TMCC3: variants seen among roughly 807,000 people sequenced by gnomAD.
TMCC3 encodes transmembrane and coiled-coil domain family 3.
A neutral mutation model predicts 40.2 loss-of-function variants in TMCC3; 28 were observed. That is an observed-to-expected ratio of 0.70 (90% CI 0.52 to 0.95). TMCC3 has a LOEUF of 0.95. Among genes scored for constraint, TMCC3 ranks in the 40% least tolerant of loss-of-function variants. The pLI is 0.00. For synonymous variants in TMCC3, 255 were observed against 248.5 expected, an observed-to-expected ratio of 1.03 and a Z score of -0.25; for missense variants, 554 against 615.2, an observed-to-expected ratio of 0.90 and a Z score of 1.05.
At position 94,582,293 on chromosome 12, in the gene TMCC3, C is replaced by G; in HGVS notation, c.324G>C (p.Ala108=). 1 of 1,614,024 alleles carries G rather than the reference C, an allele frequency of 6.2e-7. No homozygotes were observed. The highest frequency in any genetic ancestry group is 8.5e-7 in the Non-Finnish European group (1 of 1,180,028). The change falls in exon 2 of 4, where the codon GCG becomes GCC. Residue 108 remains alanine, a synonymous_variant. Coordinates refer to ENST00000261226, the MANE Select transcript of TMCC3 (RefSeq NM_020698.4). Reference sequence around the variant, plus strand: ...TCTCAAAGACTTGCTTGATACGTCCCGCCTGCTGCTTGTCTGCGTTGTTCA... The same window carrying G: ...TCTCAAAGACTTGCTTGATACGTCCGGCCTGCTGCTTGTCTGCGTTGTTCA... The part of the protein sequence containing the change: ...KLVNNADKQQ[A]GRIKQVFEKK...
At chr12:94,631,574 A>G (rs1378169860) in intron 1 of TMCC3, among the ~76,000 whole-genome samples, 2 of 152,184 alleles carry the variant, frequency 1.3e-5, no homozygotes, top group East Asian at 1.9e-4. Flanking sequence ...AGCTCTGCCA[A>G]CACCTTGATC....
At position 94,607,870 on chromosome 12, in the gene TMCC3, A is replaced by C. The variant is rs1409810922; in HGVS notation, c.79-25332T>G. Among the ~76,000 whole-genome samples the C allele has an allele frequency of 2.0e-5, 3 of 152,252 alleles. No homozygotes were observed. In the East Asian group the frequency reaches 5.8e-4, roughly 29 times the overall value. The stretch of plus-strand genomic sequence containing the variant: ...AACTGAGAACATTATGAAGTCTCTC[A>C]TTCAACTCAGGATATCACCCTGAAC... On this transcript the variant is annotated intron_variant, in intron 1 of 3. Coordinates refer to ENST00000261226, the MANE Select transcript of TMCC3 (RefSeq NM_020698.4).
intron 1 of TMCC3, among the ~76,000 whole-genome samples, chr12:94,601,552 C>A (rs187136836): frequency 3.3e-5 from 5 of 151,290 alleles, no homozygotes; most frequent in Admixed American, 6.6e-5. Context: ...AGGCTGGGCG[C>A]AGTGACTCAT....
At chr12:94,598,780 T>C in intron 1 of TMCC3, 3 of 984,642 alleles carry the variant, frequency 3.0e-6, no homozygotes, top group Non-Finnish European at 3.6e-6. Flanking sequence ...TCTAAGATCA[T>C]ACTGTTTTGT....
chr12:94,590,105 C>CTT (rs61126367), intron 1 of TMCC3, among the ~76,000 whole-genome samples: 5,060 of 131,596 alleles, frequency 0.038, 202 homozygotes, highest in Non-Finnish European at 0.051. Context: ...AAAATCTATT[C>CTT]TTTTTTTTTT....
intron 1 of TMCC3, among the ~76,000 whole-genome samples, chr12:94,620,206 G>A (rs1364776045): frequency 6.6e-6 from 1 of 151,710 alleles, no homozygotes; most frequent in Non-Finnish European, 1.5e-5. Context: ...GCTATCTCTG[G>A]GGAAAAGGAC....
chr12:94,594,239 A>AGT (rs1368350888), intron 1 of TMCC3, among the ~76,000 whole-genome samples: 1 of 151,210 alleles, frequency 6.6e-6, no homozygotes, highest in Admixed American at 6.6e-5. Context: ...ACACAGAGTG[A>AGT]GAGAGAGAGA....
At chr12:94,624,448 C>T (rs896895471) in intron 1 of TMCC3, among the ~76,000 whole-genome samples, 2 of 152,188 alleles carry the variant, frequency 1.3e-5, no homozygotes, top group African/African-American at 4.8e-5. Context: ...CATGGTGGCT[C>T]ATGCCTGTAA....
At chr12:94,647,326 T>C (rs2069025286) in intron 1 of TMCC3, among the ~76,000 whole-genome samples, 1 of 152,186 alleles carries the variant, frequency 6.6e-6, no homozygotes, top group Non-Finnish European at 1.5e-5. Context: ...AAAAATAGAT[T>C]TCTGCAATGT....
rs151064246 is a variant in TMCC3 at position 94,582,487 on chromosome 12, C to G, written c.130G>C (p.Gly44Arg). The G allele has an allele frequency of 6.2e-7, 1 of 1,613,614 alleles. No individual in the cohort carries two copies. The highest frequency in any genetic ancestry group is 1.3e-5 in the African/African-American group (1 of 74,876). ...TLSLPLNIRR[G>R]GSDTNLNFDV... The stretch of plus-strand genomic sequence containing the variant: ...AAGTTGAGGTTGGTGTCTGACCCCC[C>G]TCGGCGTATGTTCAGGGGCAGGCTT... Residue 44 changes from glycine to arginine, a missense_variant, in exon 2 of 4, where the codon GGG becomes CGG. By Grantham distance (125) the Gly-to-Arg change is moderately radical (BLOSUM62 -2). Transcript: ENST00000261226.
chr12:94,587,265 A>G (rs78759742), intron 1 of TMCC3, among the ~76,000 whole-genome samples: 7,585 of 152,258 alleles, frequency 0.05, 226 homozygotes, highest in East Asian at 0.098. Context: ...GGGCGCTGAC[A>G]TTTACTATGT....
At chr12:94,640,784 G>T (rs542454515) in intron 1 of TMCC3, among the ~76,000 whole-genome samples, 2 of 152,178 alleles carry the variant, frequency 1.3e-5, no homozygotes, top group Admixed American at 1.3e-4. Flanking sequence ...AAGAGCTGAC[G>T]TTCAAGTTTC....
At chr12:94,597,166 A>ATATATATATTTATATATATATAT (rs1491007129) in intron 1 of TMCC3, among the ~76,000 whole-genome samples, 1 of 91,040 alleles carries the variant, frequency 1.1e-5, no homozygotes, top group Non-Finnish European at 2.2e-5. Context: ...TATGTATATA[A>ATATATATATTTATATATATATAT]ATTAGCCAGG....
intron 1 of TMCC3, chr12:94,591,062 A>G: frequency 1.9e-6 from 1 of 523,694 alleles, no homozygotes; most frequent in Non-Finnish European, 3.8e-6. Context: ...AGGAAACAGA[A>G]TATTCCAATG....
chr12:94,625,307 G>T (rs1229204606), intron 1 of TMCC3, among the ~76,000 whole-genome samples: 1 of 151,858 alleles, frequency 6.6e-6, no homozygotes, highest in Non-Finnish European at 1.5e-5. Flanking sequence ...TAGTAAATGG[G>T]CTGGGCGTAG....
At chr12:94,596,738 T>G (rs1237168327) in intron 1 of TMCC3, among the ~76,000 whole-genome samples, 1 of 152,116 alleles carries the variant, frequency 6.6e-6, no homozygotes, top group Non-Finnish European at 1.5e-5. Context: ...GTGAATCAGT[T>G]GTTGACTAGC....
At chr12:94,574,392 C>CAAAA (rs142348445) in intron 3 of TMCC3, among the ~76,000 whole-genome samples, 1 of 141,978 alleles carries the variant, frequency 7.0e-6, no homozygotes, top group African/African-American at 2.6e-5. Flanking sequence ...TCTCAAAAAA[C>CAAAA]AAAAAAAAAA....
At chr12:94,649,444 T>C (rs2069040032) in intron 1 of TMCC3, among the ~76,000 whole-genome samples, 1 of 152,188 alleles carries the variant, frequency 6.6e-6, no homozygotes, top group Non-Finnish European at 1.5e-5. Flanking sequence ...AGCGAGTAAG[T>C]AGTTGGCGGA....
At chr12:94,604,909 T>C (rs998917253) in intron 1 of TMCC3, among the ~76,000 whole-genome samples, 19 of 151,764 alleles carry the variant, frequency 1.3e-4, no homozygotes, top group Non-Finnish European at 2.2e-4. Context: ...ATAATTGACT[T>C]AGAGGCAGCT....
Sources: allele counts gnomAD v4.1 joint callset (sites outside exome capture counted in the v4.1 genomes callset), GRCh38; gene constraint gnomAD v4.1.1; transcripts MANE v1.5; gene names NCBI Gene and HGNC (gene_info 2026-07-23, HGNC 2026-07-21).